SLC6A11: variants seen among roughly 807,000 people sequenced by gnomAD.
SLC6A11 encodes solute carrier family 6 member 11.
A neutral mutation model predicts 74.8 loss-of-function variants in SLC6A11; 25 were observed. The observed-to-expected ratio is 0.33, with a 90% confidence interval of 0.24 to 0.47. SLC6A11 has a LOEUF of 0.47. Ranked by LOEUF, SLC6A11 falls within the 20% of genes least tolerant of loss-of-function variation. The probability of loss-of-function intolerance (pLI) is 1.00; values close to 1 mark genes in which losing one functional copy is unlikely to be tolerated. For synonymous variants in SLC6A11, 330 were observed against 330.2 expected (o/e 1.00, Z 0.01); for missense variants, 574 against 837.0 (o/e 0.69, Z 3.88).
At position 10,835,208 on chromosome 3, in the gene SLC6A11, G is replaced by C. The variant is rs925211780; in HGVS notation, c.624-9006G>C. Among the ~76,000 whole-genome samples the C allele has an allele frequency of 2.0e-5, 3 of 152,130 alleles. 1 individual carries two copies. Among genetic ancestry groups the C allele is most frequent in the Admixed American group, 2.0e-4 (3 of 15,288 alleles). Reference sequence around the variant, plus strand: ...CCTTGATGCAGATTTGCTTCCCCTCGGGCACATGTGGGAAACCTGTAGGGC... The same window carrying C: ...CCTTGATGCAGATTTGCTTCCCCTCCGGCACATGTGGGAAACCTGTAGGGC... On this transcript the variant is annotated intron_variant, in intron 4 of 13. Coordinates refer to ENST00000254488, the MANE Select transcript of SLC6A11 (RefSeq NM_014229.3).
At chr3:10,893,694 G>A (rs887203709) in intron 6 of SLC6A11, among the ~76,000 whole-genome samples, 2 of 152,118 alleles carry the variant, frequency 1.3e-5, no homozygotes, top group African/African-American at 4.8e-5. Flanking sequence ...ACTGTGGGAC[G>A]AGAGTATTCC....
At chr3:10,860,902 A>G (rs184402582) in intron 5 of SLC6A11, among the ~76,000 whole-genome samples, 2 of 152,384 alleles carry the variant, frequency 1.3e-5, no homozygotes, top group African/African-American at 4.8e-5. Context: ...AAATCCAGGT[A>G]GACATATACA....
In SLC6A11 at chr3:10,846,977, G is replaced by A. The variant is rs868626818; in HGVS notation, c.756+2631G>A. ...ATCTTCCCTGAACCTCCTTTTTCTC[G>A]TCTCTGGTAGAAGTGGTAGTGATGG... On this transcript the variant is annotated intron_variant, in intron 5 of 13. Coordinates refer to ENST00000254488, the MANE Select transcript of SLC6A11 (RefSeq NM_014229.3). Among the ~76,000 whole-genome samples the A allele has an allele frequency of 5.9e-5, 9 of 152,082 alleles. No individual in the cohort carries two copies. In the South Asian group the frequency reaches 6.2e-4, roughly 10 times the overall value.
chr3:10,864,985 C>T (rs1694746525), intron 5 of SLC6A11, among the ~76,000 whole-genome samples: 1 of 152,228 alleles, frequency 6.6e-6, no homozygotes, highest in Admixed American at 6.5e-5. Flanking sequence ...AGCCATTTCC[C>T]AGTGTCCCTC....
Position 10,926,628 on chromosome 3 carries a change from G to A in SLC6A11, c.1233+512G>A, listed in dbSNP as rs1305742486. ...GCCCCGCCACCGCCTGCCTGTCTCT[G>A]TGCTCGGCCCTCCCTAGAGGCCCCT... On this transcript the variant is annotated intron_variant, in intron 9 of 13. Transcript: ENST00000254488. This position sits in a 1 kb window ranked among gnomAD's most constrained non-coding sequence, Gnocchi z 5.7. Among the ~76,000 whole-genome samples the A allele has an allele frequency of 6.6e-6, 1 of 152,114 alleles. No homozygotes were observed. Among genetic ancestry groups the A allele is most frequent in the Non-Finnish European group, 1.5e-5 (1 of 68,020 alleles).
intron 5 of SLC6A11, among the ~76,000 whole-genome samples, chr3:10,855,084 T>C (rs1301133691): frequency 6.6e-6 from 1 of 152,016 alleles, no homozygotes; most frequent in Non-Finnish European, 1.5e-5. Flanking sequence ...GGGCAGTGAA[T>C]AGCTATGTGG....
intron 4 of SLC6A11, among the ~76,000 whole-genome samples, chr3:10,836,120 T>C (rs1310470927): frequency 1.3e-5 from 2 of 152,256 alleles, no homozygotes; most frequent in Admixed American, 6.5e-5. Flanking sequence ...ATACAACTTA[T>C]GGTCTTTCGT....
intron 4 of SLC6A11, chr3:10,824,807 C>T (rs747487494): frequency 3.9e-5 from 6 of 152,204 alleles, no homozygotes; most frequent in Non-Finnish European, 5.9e-5. Context: ...AATGTCTAGT[C>T]TGTGCTTCCT....
intron 6 of SLC6A11, among the ~76,000 whole-genome samples, chr3:10,907,079 C>T (rs2106623302): frequency 6.6e-6 from 1 of 152,140 alleles, no homozygotes; most frequent in Middle Eastern, 3.4e-3. Flanking sequence ...AAGACAGAAC[C>T]ACAAAACAGT....
At chr3:10,914,401 G>A (rs1191597519) in intron 7 of SLC6A11, among the ~76,000 whole-genome samples, 3 of 152,156 alleles carry the variant, frequency 2.0e-5, no homozygotes, top group African/African-American at 4.8e-5. Flanking sequence ...CCCTGGAATC[G>A]GTGCCATGGG....
In SLC6A11 at chr3:10,918,972, C is replaced by T. The variant is rs1032662149; in HGVS notation, c.1120+519C>T. On this transcript the variant is annotated intron_variant, in intron 8 of 13. Transcript: ENST00000254488. This position sits in a 1 kb window ranked among gnomAD's most constrained non-coding sequence, Gnocchi z 4.5. Reference sequence around the variant, plus strand: ...GTGGCCCCACCAGCCTCACCACCTACGATTCCCCCACACTCACTCGGTCCC... The same window carrying T: ...GTGGCCCCACCAGCCTCACCACCTATGATTCCCCCACACTCACTCGGTCCC... Among the ~76,000 whole-genome samples, 4 of 152,286 alleles carry T rather than the reference C, an allele frequency of 2.6e-5. No individual in the cohort carries two copies. The highest frequency in any genetic ancestry group is 4.8e-5 in the African/African-American group (2 of 41,566).
intron 8 of SLC6A11, among the ~76,000 whole-genome samples, chr3:10,921,549 G>A (rs189059956): frequency 7.9e-5 from 12 of 152,232 alleles, no homozygotes; most frequent in Non-Finnish European, 7.4e-5. Context: ...GCGGGAAAGT[G>A]CCACAGAGTA....
At chr3:10,872,402 C>T (rs1156948827) in intron 5 of SLC6A11, among the ~76,000 whole-genome samples, 1 of 152,186 alleles carries the variant, frequency 6.6e-6, no homozygotes, top group Non-Finnish European at 1.5e-5. Context: ...GTCTTCCTTC[C>T]ATCCCCATTT....
chr3:10,933,307 T>A, intron 11 of SLC6A11, 54 bp downstream of exon 11: 2 of 1,265,006 alleles, frequency 1.6e-6, no homozygotes, highest in Non-Finnish European at 2.3e-6. Flanking sequence ...GTACCCAGGA[T>A]CCTGGTGCTT....
chr3:10,890,324 A>G (rs1375025006), intron 6 of SLC6A11, among the ~76,000 whole-genome samples: 1 of 152,204 alleles, frequency 6.6e-6, no homozygotes, highest in Non-Finnish European at 1.5e-5. Flanking sequence ...TAAGAATGAA[A>G]CAGCAGAGTT....
At position 10,906,177 on chromosome 3, in the gene SLC6A11, C is replaced by T. The variant is rs182979053; in HGVS notation, c.892-5913C>T. Among the ~76,000 whole-genome samples, 189 of 152,308 alleles carry T rather than the reference C, an allele frequency of 1.2e-3. 1 individual carries two copies. The highest frequency in any genetic ancestry group is 4.3e-3 in the African/African-American group (177 of 41,556). On this transcript the variant is annotated intron_variant, in intron 6 of 13. Transcript: ENST00000254488. ...TGCTCAGATCTGGGTATTCGTCTCT[C>T]ACCTCCAGCCAAGATCAATCTTGTA...
chr3:10,852,796 A>G (rs1199792967), intron 5 of SLC6A11, among the ~76,000 whole-genome samples: 3 of 152,272 alleles, frequency 2.0e-5, no homozygotes, highest in African/African-American at 7.2e-5. Context: ...AGTGCTTTGG[A>G]AAACTAAGCC....
chr3:10,913,846 A>T (rs1695419396), intron 7 of SLC6A11, among the ~76,000 whole-genome samples: 1 of 152,122 alleles, frequency 6.6e-6, no homozygotes, highest in Non-Finnish European at 1.5e-5. Context: ...GGCGCCCGCC[A>T]CCACGCCCGG....
At chr3:10,842,769 C>A (rs1694454409) in intron 4 of SLC6A11, among the ~76,000 whole-genome samples, 1 of 152,110 alleles carries the variant, frequency 6.6e-6, no homozygotes, top group Admixed American at 6.5e-5. Context: ...CTTCTCCTGG[C>A]TATGGGTGTG....
Sources: gnomAD v4.1 joint callset for allele counts (sites outside exome capture counted in the v4.1 genomes callset) on GRCh38, gnomAD v4.1.1 for gene constraint, Gnocchi (gnomAD v3.1) non-coding constraint, MANE v1.5 for transcripts, NCBI Gene and HGNC (gene_info 2026-07-23, HGNC 2026-07-21) for gene names.